Variants in VPS54 observed in about 807,000 individuals in gnomAD.
VPS54 encodes the protein vacuolar protein sorting-associated protein 54.
A neutral mutation model predicts 121.5 loss-of-function variants in VPS54; 45 were observed. That is an observed-to-expected ratio of 0.37 (90% confidence interval 0.29 to 0.47). VPS54 has a LOEUF of 0.47. VPS54 is among the 20% of genes least tolerant of loss of function. The pLI is 0.99. For missense variants in VPS54, 1,090 were observed against 1,131.4 expected (o/e 0.96, Z 0.52); for synonymous variants, 371 against 385.8 (o/e 0.96, Z 0.45).
intron 1 of VPS54, among the ~76,000 whole-genome samples, chr2:63,994,041 A>T (rs1677460350): frequency 6.6e-6 from 1 of 152,200 alleles, no homozygotes; most frequent in Non-Finnish European, 1.5e-5. Context: ...CACAGGGAAA[A>T]GACGTCCGCG....
At chr2:63,928,836 CAAAAA>C (rs1383479805) in intron 12 of VPS54, among the ~76,000 whole-genome samples, 1 of 64,264 alleles carries the variant, frequency 1.6e-5, no homozygotes, top group Non-Finnish European at 3.8e-5. Context: ...AAATGGAAAG[CAAAAA>C]AAAAAAAAAA....
chr2:63,893,719 TC>T (rs1672323837), intron 22 of VPS54, among the ~76,000 whole-genome samples, 184 bp from the exon 23 acceptor site: 1 of 152,204 alleles, frequency 6.6e-6, no homozygotes, highest in Admixed American at 6.5e-5. Context: ...ATGCTGTACT[TC>T]AATAATAAAT....
chr2:63,995,240 C>T (rs950206348), intron 1 of VPS54, among the ~76,000 whole-genome samples: 3 of 152,206 alleles, frequency 2.0e-5, no homozygotes, highest in Admixed American at 6.5e-5. Flanking sequence ...TGTGTTAAGC[C>T]TCCTTACATG....
At chr2:63,992,090 C>T (rs1040653152) in intron 1 of VPS54, among the ~76,000 whole-genome samples, 17 of 152,286 alleles carry the variant, frequency 1.1e-4, no homozygotes, top group South Asian at 2.1e-4. Context: ...ATTCAGTTGA[C>T]GAGATTAAAC....
In VPS54 at chr2:63,981,634, A is replaced by T; in HGVS notation, c.378+12T>A. ...TTTGACCTGACTGTAACTAGCCAAG[A>T]TTAGATATTACCTGAGAGATTTCCT... On this transcript the variant is annotated intron_variant, in intron 3 of 22. Coordinates refer to ENST00000272322, the MANE Select transcript of VPS54 (RefSeq NM_016516.3). The T allele has an allele frequency of 6.4e-7, 1 of 1,559,978 alleles. No individual in the cohort carries two copies. Among genetic ancestry groups the T allele is most frequent in the Non-Finnish European group, 8.7e-7 (1 of 1,154,180 alleles).
intron 18 of VPS54, 135 bp from the exon 19 acceptor site, chr2:63,912,796 A>G (rs1558986212): frequency 1.5e-5 from 16 of 1,092,550 alleles, no homozygotes; most frequent in Non-Finnish European, 2.0e-5. Flanking sequence ...GAAGAGCCCT[A>G]TGGCAGAAGG....
At chr2:63,938,059 G>GGTGTGTGTGTGTGTGT (rs1553475195) in intron 11 of VPS54, among the ~76,000 whole-genome samples, 9,962 of 140,292 alleles carry the variant, frequency 0.071, 683 homozygotes, top group African/African-American at 0.17. Flanking sequence ...TGGTGTGTGT[G>GGTGTGTGTGTGTGTGT]GTGTGTGTGT....
rs34766515 is a variant in VPS54, at chr2:63,942,031, CA to C, written c.1398+433del. Among the ~76,000 whole-genome samples the C allele has an allele frequency of 2.7e-3, 205 of 77,076 alleles. No individual in the cohort carries two copies. In the South Asian group the frequency reaches 0.028, roughly 11 times the overall value. The allele number at this position is 77,076 out of a possible 152,430, so 50.6% of individuals were successfully genotyped here. A position where few individuals can be genotyped will look rare whatever the true frequency, so the allele number is the denominator to read the frequency against. On this transcript the variant is annotated intron_variant, in intron 11 of 22. Transcript: ENST00000272322. ...CCTGGGTAACAGCAAGACTCCACCT[CA>C]AAAAAAAAAAAAAAAAAAGTAAATT...
At chr2:63,968,311 G>T (rs1423510222) in intron 5 of VPS54, among the ~76,000 whole-genome samples, 1 of 151,566 alleles carries the variant, frequency 6.6e-6, no homozygotes, top group Non-Finnish European at 1.5e-5. Flanking sequence ...TAAAATATTT[G>T]TAGGTTTCAG....
At chr2:63,960,298 CTT>C (rs888188434) in intron 7 of VPS54, among the ~76,000 whole-genome samples, 5 of 152,106 alleles carry the variant, frequency 3.3e-5, no homozygotes, top group African/African-American at 1.2e-4. Context: ...TATACTTTGA[CTT>C]AAGGTACAAA....
intron 1 of VPS54, among the ~76,000 whole-genome samples, chr2:64,014,055 G>C (rs1481603159): frequency 1.3e-5 from 2 of 148,462 alleles, no homozygotes; most frequent in Admixed American, 6.7e-5. Flanking sequence ...GCTGGGCGTA[G>C]TGACACGCCA....
chr2:64,016,214 C>G (rs1678683146), intron 1 of VPS54, among the ~76,000 whole-genome samples: 1 of 152,206 alleles, frequency 6.6e-6, no homozygotes, highest in Admixed American at 6.5e-5. Context: ...GCTGACCAAA[C>G]TACCTCTTGA....
chr2:64,007,614 T>C lies in VPS54; in HGVS notation c.-21+11324A>G, dbSNP rs1330067699. 2.0e-5 allele frequency among the ~76,000 whole-genome samples: 3 copies of C among 152,188 alleles called. No individual in the cohort carries two copies. In the East Asian group the frequency reaches 5.8e-4, roughly 29 times the overall value. ...TGAACAGAATCCTGCTTCCCTGAATTTTCCATTACTGCTTCTAGTTCAATT... is the reference window on the plus strand; with the variant it reads ...TGAACAGAATCCTGCTTCCCTGAATCTTCCATTACTGCTTCTAGTTCAATT... On this transcript the variant is annotated intron_variant, in intron 1 of 22. Coordinates refer to ENST00000272322, the MANE Select transcript of VPS54 (RefSeq NM_016516.3).
At chr2:63,956,529 T>C (rs760566474) in intron 7 of VPS54, among the ~76,000 whole-genome samples, 10 of 152,308 alleles carry the variant, frequency 6.6e-5, no homozygotes, top group South Asian at 2.1e-4. Context: ...CAAATTAGTA[T>C]TGATGTTCAG....
chr2:63,913,930 C>T (rs1473432633), intron 17 of VPS54: 13 of 1,272,602 alleles, frequency 1.0e-5, no homozygotes, highest in African/African-American at 1.6e-5. Flanking sequence ...CAGCACCTAA[C>T]GAACAAATCA....
chr2:64,017,399 C>A (rs1678759426), intron 1 of VPS54, among the ~76,000 whole-genome samples: 1 of 151,660 alleles, frequency 6.6e-6, no homozygotes, highest in African/African-American at 2.4e-5. Flanking sequence ...GCAAAATTTG[C>A]CGTTTCATGG....
intron 20 of VPS54, among the ~76,000 whole-genome samples, chr2:63,909,880 AC>A (rs1446935366): frequency 6.6e-6 from 1 of 150,482 alleles, no homozygotes; most frequent in Non-Finnish European, 1.5e-5. Flanking sequence ...GCCCACCACC[AC>A]GCCTGGCTAA....
chr2:63,936,849 T>A (rs1674478548), intron 11 of VPS54, among the ~76,000 whole-genome samples: 1 of 152,124 alleles, frequency 6.6e-6, no homozygotes, highest in Admixed American at 6.6e-5. Context: ...AACTCTCACA[T>A]ATACAGTAAA....
rs1031371676 is a variant in VPS54 at position 64,009,726 on chromosome 2, A to G, written c.-21+9212T>C. Among the ~76,000 whole-genome samples the G allele has an allele frequency of 9.2e-5, 14 of 152,272 alleles. No individual in the cohort carries two copies. In the East Asian group the frequency reaches 2.1e-3, roughly 23 times the overall value. On this transcript the variant is annotated intron_variant, in intron 1 of 22. Coordinates refer to ENST00000272322, the MANE Select transcript of VPS54 (RefSeq NM_016516.3). ...GGCGCATCATTTTAGCACTTTCAAGAAAGTTTGAGCCCAAGAAGTTGAGGC... is the reference window on the plus strand; with the variant it reads ...GGCGCATCATTTTAGCACTTTCAAGGAAGTTTGAGCCCAAGAAGTTGAGGC...
Sources: allele counts gnomAD v4.1 joint callset (sites outside exome capture counted in the v4.1 genomes callset), GRCh38; gene constraint gnomAD v4.1.1; transcripts MANE v1.5; gene names NCBI Gene and HGNC (gene_info 2026-07-23, HGNC 2026-07-21).